The following ELAVL4 variants were observed in gnomAD, a reference collection of about 807,000 sequenced individuals.
ELAVL4 encodes ELAV like RNA binding protein 4.
Under a neutral mutation model 35.6 loss-of-function variants are expected in ELAVL4, and 1 was observed. That is an observed-to-expected ratio of 0.03 (90% CI 0.01 to 0.13). The LOEUF (loss-of-function observed/expected upper bound fraction) is 0.13, where lower values mean the gene tolerates loss of function less well. Ranked by LOEUF, ELAVL4 falls within the 10% of genes least tolerant of loss-of-function variation. The probability of loss-of-function intolerance (pLI) is 1.00; values close to 1 mark genes in which losing one functional copy is unlikely to be tolerated. For synonymous variants in ELAVL4, 156 were observed against 171.0 expected (o/e 0.91, Z 0.69); for missense variants, 267 against 464.9 (o/e 0.57, Z 3.91).
At chr1:50,200,705 T>C (rs1644349365) in intron 6 of ELAVL4, 146 bp from the exon 7 acceptor site, 3 of 1,469,760 alleles carry the variant, frequency 2.0e-6, no homozygotes, top group Non-Finnish European at 2.7e-6. Context: ...TAGACATTAG[T>C]TTTTACATTT....
At chr1:50,169,447 CCTT>C (rs1678595635) in intron 2 of ELAVL4, among the ~76,000 whole-genome samples, 1 of 152,166 alleles carries the variant, frequency 6.6e-6, no homozygotes, top group Non-Finnish European at 1.5e-5. Flanking sequence ...CACTGCCTTT[CCTT>C]CTTCTCTGCT....
intron 4 of ELAVL4, among the ~76,000 whole-genome samples, chr1:50,194,955 C>T (rs898442506): frequency 1.3e-5 from 2 of 152,060 alleles, no homozygotes; most frequent in African/African-American, 2.4e-5. Context: ...GTGTGAGCCT[C>T]AATAGGGAAT....
At chr1:50,195,501 C>T (rs1643995156) in intron 4 of ELAVL4, 60 bp from the exon 5 acceptor site, 6 of 1,580,242 alleles carry the variant, frequency 3.8e-6, no homozygotes, top group Non-Finnish European at 5.2e-6. Context: ...CATCTCTTCC[C>T]AAAGATGTTT....
intron 1 of ELAVL4, among the ~76,000 whole-genome samples, chr1:50,118,439 T>C (rs1218504829): frequency 1.3e-5 from 2 of 151,720 alleles, no homozygotes; most frequent in Non-Finnish European, 2.9e-5. Context: ...ACTGAAGAGA[T>C]GTGCAGGATG....
chr1:50,151,581 T>C (rs1320429194), intron 2 of ELAVL4, among the ~76,000 whole-genome samples: 2 of 152,226 alleles, frequency 1.3e-5, no homozygotes, highest in African/African-American at 4.8e-5. Context: ...ATTGATTAGC[T>C]AAATGAACTT....
At chr1:50,101,712 G>T (rs904766785), upstream of ELAVL4, among the ~76,000 whole-genome samples, 2 of 151,952 alleles carry the variant, frequency 1.3e-5, no homozygotes, top group African/African-American at 4.8e-5. Flanking sequence ...TCAAGACAAG[G>T]CTGGGCAAAA....
In ELAVL4 at chr1:50,109,181, C is replaced by G; in HGVS notation, c.-9C>G. ...GAAGCTCTGCGAGACCCAATATTTG[C>G]CAATAAGAATGGTTATGGTAGGTAT... On this transcript the variant is annotated 5_prime_UTR_variant, in exon 1 of 7. Transcript: ENST00000371824. 1 of 1,611,128 alleles carries G rather than the reference C, an allele frequency of 6.2e-7. No homozygotes were observed. The highest frequency in any genetic ancestry group is 8.5e-7 in the Non-Finnish European group (1 of 1,178,694).
chr1:50,151,074 T>C (rs1302027493), intron 2 of ELAVL4, among the ~76,000 whole-genome samples: 1 of 152,204 alleles, frequency 6.6e-6, no homozygotes, highest in East Asian at 1.9e-4. Flanking sequence ...ATTTTACAGA[T>C]GCAGAAACTT....
Position 50,177,249 on chromosome 1 carries a change from T to C in ELAVL4, c.354+57T>C. On this transcript the variant is annotated intron_variant, in intron 3 of 6. Coordinates refer to ENST00000371824, the MANE Select transcript of ELAVL4 (RefSeq NM_001144774.3). ...GAGGCTCTGGTTAAATTTCATTCTG[T>C]TGATCTGGTAAATCCAGGCTATGTG... The C allele has an allele frequency of 1.5e-6, 2 of 1,365,516 alleles. 1 individual carries two copies. The highest frequency in any genetic ancestry group is 2.3e-5 in the South Asian group (2 of 85,528). The allele number at this position is 1,365,516 out of a possible 1,614,324, so 84.6% of individuals were successfully genotyped here. A position where few individuals can be genotyped will look rare whatever the true frequency, so the allele number is the denominator to read the frequency against.
chr1:50,123,474 G>A (rs1669360914), intron 1 of ELAVL4, among the ~76,000 whole-genome samples: 1 of 145,232 alleles, frequency 6.9e-6, no homozygotes, highest in East Asian at 2.1e-4. Context: ...AAGAAAATTC[G>A]GCAGTAAGCC....
chr1:50,082,245 G>A (rs1665041416), intron 1 of ELAVL4, among the ~76,000 whole-genome samples: 1 of 152,122 alleles, frequency 6.6e-6, no homozygotes. Flanking sequence ...GATCCTTGAG[G>A]AATTGCCACA....
At chr1:50,137,308 G>A (rs970998686) in intron 1 of ELAVL4, among the ~76,000 whole-genome samples, 1 of 152,146 alleles carries the variant, frequency 6.6e-6, no homozygotes, top group African/African-American at 2.4e-5. Flanking sequence ...TGTGAGGAGG[G>A]GGATCAATCC....
At chr1:50,123,171 G>T (rs2480692) in intron 1 of ELAVL4, among the ~76,000 whole-genome samples, 35,394 of 151,880 alleles carry the variant, frequency 0.23, 5,277 homozygotes, top group East Asian at 0.42. Flanking sequence ...TATTGAGGGT[G>T]AGTGAGCTCA....
At chr1:50,157,113 G>C (rs761252854) in intron 2 of ELAVL4, among the ~76,000 whole-genome samples, 1 of 152,156 alleles carries the variant, frequency 6.6e-6, no homozygotes, top group Non-Finnish European at 1.5e-5. Context: ...GTCTGTAGTT[G>C]AATATGTCAG....
At chr1:50,118,117 C>T (rs1345768888) in intron 1 of ELAVL4, among the ~76,000 whole-genome samples, 1 of 152,054 alleles carries the variant, frequency 6.6e-6, no homozygotes, top group African/African-American at 2.4e-5. Flanking sequence ...ATAGGCTGAG[C>T]TTAATTGATA....
chr1:50,142,717 C>T (rs1298774337), intron 1 of ELAVL4, among the ~76,000 whole-genome samples: 2 of 152,164 alleles, frequency 1.3e-5, no homozygotes, highest in African/African-American at 4.8e-5. Flanking sequence ...GCAGTATCTA[C>T]TGAAGCTAAA....
In ELAVL4 at chr1:50,200,670, G is replaced by A; in HGVS notation, c.774-181G>A. ...GCATGAACATGCCCTAGCCAGTCAA[G>A]CCATTCCCATCAGAGGAAATGACAT... On this transcript the variant is annotated intron_variant, in intron 6 of 6. Transcript: ENST00000371824. The A allele has an allele frequency of 1.5e-5, 19 of 1,285,888 alleles. No individual in the cohort carries two copies. The South Asian group carries it at 2.2e-4, about 15-fold the overall frequency. The allele number at this position is 1,285,888 out of a possible 1,614,324, so 79.7% of individuals were successfully genotyped here. A position where few individuals can be genotyped will look rare whatever the true frequency, so the allele number is the denominator to read the frequency against.
intron 4 of ELAVL4, among the ~76,000 whole-genome samples, chr1:50,194,630 A>T (rs1643912400): frequency 6.6e-6 from 1 of 152,234 alleles, no homozygotes; most frequent in Non-Finnish European, 1.5e-5. Flanking sequence ...GACATTGTGC[A>T]GAGGGACCCT....
intron 3 of ELAVL4, among the ~76,000 whole-genome samples, chr1:50,187,008 C>T (rs968354705): frequency 1.3e-5 from 2 of 152,162 alleles, no homozygotes; most frequent in Non-Finnish European, 2.9e-5. Context: ...TTTCTTCTGT[C>T]CCTGCTCCTA....
Sources: allele counts gnomAD v4.1 joint callset (sites outside exome capture counted in the v4.1 genomes callset), GRCh38; gene constraint gnomAD v4.1.1; transcripts MANE v1.5; gene names NCBI Gene and HGNC (gene_info 2026-07-23, HGNC 2026-07-21).